DNAH11: variants seen among roughly 807,000 people sequenced by gnomAD.
DNAH11 encodes the protein dynein axonemal heavy chain 11, also known as axonemal beta dynein heavy chain 11.
A neutral mutation model predicts 526.0 loss-of-function variants in DNAH11; 442 were observed. The observed-to-expected ratio is 0.84, with a 90% confidence interval of 0.78 to 0.91. The LOEUF is 0.91. Ranked by LOEUF, DNAH11 falls within the 40% of genes least tolerant of loss-of-function variation. The pLI, the probability that DNAH11 is intolerant of heterozygous loss-of-function variation, is 0.00. For missense variants in DNAH11, 6,989 were observed against 5,448.7 expected (o/e 1.28, Z -8.90); for synonymous variants, 2,461 against 1,935.9 (o/e 1.27, Z -7.12).
chr7:21,685,392 A>G (rs1194775759), intron 32 of DNAH11, among the ~76,000 whole-genome samples: 1 of 152,236 alleles, frequency 6.6e-6, no homozygotes, highest in Admixed American at 6.5e-5. Flanking sequence ...TTGAAATTAG[A>G]AGAATCACCA....
chr7:21,864,702 A>C (rs72658809), intron 70 of DNAH11, 45 bp downstream of exon 70: 7 of 1,526,066 alleles, frequency 4.6e-6, no homozygotes, highest in Non-Finnish European at 6.2e-6. Flanking sequence ...CTTATTTAAA[A>C]TATTAGCTCT....
chr7:21,848,166 CA>C (rs58058317), intron 66 of DNAH11, among the ~76,000 whole-genome samples: 5,962 of 88,914 alleles, frequency 0.067, 144 homozygotes, highest in South Asian at 0.18. Context: ...GACTCTGTTT[CA>C]AAAAAAAAAA....
intron 79 of DNAH11, among the ~76,000 whole-genome samples, chr7:21,896,684 T>C (rs1307855084): frequency 6.6e-6 from 1 of 152,252 alleles, no homozygotes; most frequent in Non-Finnish European, 1.5e-5. Context: ...TCAGTGTGTC[T>C]TTCGGCTGTA....
intron 34 of DNAH11, among the ~76,000 whole-genome samples, chr7:21,688,594 A>G (rs148463409): frequency 6.6e-6 from 1 of 152,188 alleles, no homozygotes; most frequent in Admixed American, 6.5e-5. Context: ...CCAAGGCTCT[A>G]CTGGAGGTCT....
chr7:21,571,807 A>G lies in DNAH11; in HGVS notation c.1427A>G (p.Asp476Gly), dbSNP rs1028226024. ...KFLDRLIKIEDIFATTLEFEK... is the reference protein window; with the variant it reads ...KFLDRLIKIEGIFATTLEFEK... Reference sequence around the variant, plus strand: ...GTCTTTACTGTGTTTTTTACAAAGGATATATTTGCCACCACTTTGGAATTT... The same window carrying G: ...GTCTTTACTGTGTTTTTTACAAAGGGTATATTTGCCACCACTTTGGAATTT... Residue 476 changes from aspartate (D) to glycine (G), a missense_variant and splice_region_variant, in exon 8 of 82, where the codon GAT (aspartate) becomes GGT (glycine). Physicochemically the swap from Asp to Gly is moderately conservative, Grantham distance 94. Coordinates refer to ENST00000409508, the MANE Select transcript of DNAH11 (RefSeq NM_001277115.2). The G allele has an allele frequency of 6.2e-7, 1 of 1,610,542 alleles. No individual in the cohort carries two copies. The highest frequency in any genetic ancestry group is 8.5e-7 in the Non-Finnish European group (1 of 1,178,794).
chr7:21,720,978 TTC>T (rs1784855142), intron 44 of DNAH11, 122 bp downstream of exon 44: 6 of 1,263,750 alleles, frequency 4.7e-6, no homozygotes, highest in Non-Finnish European at 6.3e-6. Flanking sequence ...GCTTGCCCTG[TTC>T]TCTCCTAAGT....
chr7:21,691,065 C>A (rs1783596368), intron 35 of DNAH11, among the ~76,000 whole-genome samples, 184 bp downstream of exon 35: 1 of 152,102 alleles, frequency 6.6e-6, no homozygotes, highest in Non-Finnish European at 1.5e-5. Flanking sequence ...AATTATAAAA[C>A]CAGGACTCAA....
At chr7:21,677,150 C>A (rs555201271) in intron 30 of DNAH11, among the ~76,000 whole-genome samples, 1 of 150,750 alleles carries the variant, frequency 6.6e-6, no homozygotes, top group Admixed American at 6.6e-5. Flanking sequence ...ATTAAAAGTA[C>A]AGGTGTATCT....
intron 48 of DNAH11, among the ~76,000 whole-genome samples, chr7:21,741,174 CA>C (rs1785871695): frequency 6.6e-6 from 1 of 152,194 alleles, no homozygotes; most frequent in East Asian, 1.9e-4. Context: ...TCCAGAATTT[CA>C]TATGATGAGA....
chr7:21,788,672 C>T (rs1788299694), intron 60 of DNAH11, among the ~76,000 whole-genome samples: 1 of 152,100 alleles, frequency 6.6e-6, no homozygotes, highest in Non-Finnish European at 1.5e-5. Flanking sequence ...AAGAAAGTGA[C>T]AATGTGGTTG....
chr7:21,793,570 C>G (rs111977426), intron 61 of DNAH11, among the ~76,000 whole-genome samples: 1,658 of 148,036 alleles, frequency 0.011, 39 homozygotes, highest in African/African-American at 0.039. Context: ...GAGCCGAGAT[C>G]GTGCCATTGC....
chr7:21,552,672 C>T (rs1179129924), intron 2 of DNAH11, among the ~76,000 whole-genome samples: 2 of 152,164 alleles, frequency 1.3e-5, no homozygotes, highest in Admixed American at 6.5e-5. Context: ...TGACGAAATA[C>T]ATTTGGGGCT....
intron 65 of DNAH11, among the ~76,000 whole-genome samples, chr7:21,833,935 G>A (rs1332410169): frequency 1.3e-5 from 2 of 152,064 alleles, no homozygotes; most frequent in East Asian, 3.9e-4. Context: ...TTTCAGCAAT[G>A]GACAGAACAT....
rs191038257 is a variant in DNAH11 at position 21,880,702 on chromosome 7, G to C, written c.12196G>C (p.Asp4066His). Residue 4066 changes from aspartate to histidine, a missense_variant and splice_region_variant, in exon 75 of 82, where the codon GAT becomes CAT. By Grantham distance (81) the Asp-to-His change is moderately conservative (BLOSUM62 -1). Transcript: ENST00000409508. ...AAGCATTTCTTCTCTTTTTTCCCAG[G>C]ATACACTTGAAATATGCTCCAAGGA... Reference protein sequence around the residue: ...LHAALYNFDQDTLEICSKEQE... With the variant: ...LHAALYNFDQHTLEICSKEQE... 4 of 1,613,214 alleles carry C rather than the reference G, an allele frequency of 2.5e-6. No individual in the cohort carries two copies. The East Asian group carries it at 8.9e-5, about 36-fold the overall frequency.
chr7:21,801,207 A>T lies in DNAH11; in HGVS notation c.10097A>T (p.Gln3366Leu). 1 of 1,613,708 alleles carries T rather than the reference A, an allele frequency of 6.2e-7. No homozygotes were observed. The highest frequency in any genetic ancestry group is 8.5e-7 in the Non-Finnish European group (1 of 1,179,772). ...EKATAEKVRC[Q>L]EEVNQTNKTI... ...GCAACAGCTGAGAAAGTCCGGTGTC[A>T]AGAAGAGGTGAACCAAACCAACAAA... The change falls in exon 62 of 82, where the codon CAA becomes CTA. Residue 3366 changes from glutamine (Q) to leucine (L), a missense_variant. Physicochemically the swap from Gln to Leu is moderately radical, Grantham distance 113. Transcript: ENST00000409508.
chr7:21,828,477 C>G (rs929106855), intron 65 of DNAH11, among the ~76,000 whole-genome samples: 1 of 152,050 alleles, frequency 6.6e-6, no homozygotes, highest in Non-Finnish European at 1.5e-5. Flanking sequence ...ATAGTGTAAT[C>G]TTTAGCATTT....
At chr7:21,810,770 G>A (rs922664625) in intron 63 of DNAH11, among the ~76,000 whole-genome samples, 1 of 152,064 alleles carries the variant, frequency 6.6e-6, no homozygotes, top group Non-Finnish European at 1.5e-5. Context: ...AAGGAGGTGA[G>A]GAAAGTCAAG....
rs368277282 is a variant in DNAH11, at chr7:21,856,026, C to G, written c.11202+1571C>G. 6.2e-4 allele frequency among the ~76,000 whole-genome samples: 95 copies of G among 152,106 alleles called. 1 individual carries two copies. The highest frequency in any genetic ancestry group is 3.4e-3 in the Middle Eastern group (1 of 294). On this transcript the variant is annotated intron_variant, in intron 68 of 81. Coordinates refer to ENST00000409508, the MANE Select transcript of DNAH11 (RefSeq NM_001277115.2). Reference sequence around the variant, plus strand: ...CTATGTAAAGAGTGTTTGGAGAAAACAGGAATGTGTGAGATGAAAGAATTC... The same window carrying G: ...CTATGTAAAGAGTGTTTGGAGAAAAGAGGAATGTGTGAGATGAAAGAATTC...
chr7:21,597,155 C>G (rs576840648), intron 14 of DNAH11, among the ~76,000 whole-genome samples: 1 of 152,176 alleles, frequency 6.6e-6, no homozygotes, highest in Non-Finnish European at 1.5e-5. Flanking sequence ...ATTCAGTTAT[C>G]TAAAGCTCTC....
Sources: gnomAD v4.1 joint callset for allele counts (sites outside exome capture counted in the v4.1 genomes callset) on GRCh38, gnomAD v4.1.1 for gene constraint, MANE v1.5 for transcripts, NCBI Gene and HGNC (gene_info 2026-07-23, HGNC 2026-07-21) for gene names.